The following ALMS1 variants were observed in gnomAD, a reference collection of about 807,000 sequenced individuals.
The protein encoded by ALMS1 is ALMS1 centrosome and basal body associated protein.
Under a neutral mutation model 352.2 loss-of-function variants are expected in ALMS1, and 271 were observed. The ratio of observed to expected loss-of-function variants is 0.77; its 90% CI spans 0.70 to 0.85. ALMS1 has a LOEUF of 0.85. Ranked by LOEUF, ALMS1 falls within the 40% of genes least tolerant of loss-of-function variation. The probability of loss-of-function intolerance (pLI) is 0.00; values close to 1 mark genes in which losing one functional copy is unlikely to be tolerated. For synonymous variants in ALMS1, 1,865 were observed against 1,761.2 expected (o/e 1.06, Z -1.48); for missense variants, 5,445 against 4,870.7 (o/e 1.12, Z -3.51).
At chr2:73,481,036 C>T (rs1204872738) in intron 9 of ALMS1, among the ~76,000 whole-genome samples, 3 of 151,376 alleles carry the variant, frequency 2.0e-5, no homozygotes, top group African/African-American at 4.9e-5. Flanking sequence ...TTCCTGTTCA[C>T]TCTGATGGTA....
At chr2:73,399,464 G>A (rs1272247176) in intron 1 of ALMS1, among the ~76,000 whole-genome samples, 8 of 151,978 alleles carry the variant, frequency 5.3e-5, no homozygotes, top group Non-Finnish European at 7.4e-5. Flanking sequence ...GGGGGCAGGC[G>A]TCTCACATGG....
Position 73,459,839 on chromosome 2 carries a change from T to C in ALMS1, c.7674+4544T>C, listed in dbSNP as rs1222026851. On this transcript the variant is annotated intron_variant, in intron 9 of 22. Transcript: ENST00000613296. ...TTAGCAGAGAGTGGCATGTAGAAACTAAGATCTGTATGCTTGGTGTGCTTA... is the reference window on the plus strand; with the variant it reads ...TTAGCAGAGAGTGGCATGTAGAAACCAAGATCTGTATGCTTGGTGTGCTTA... Among the ~76,000 whole-genome samples, 4 of 152,204 alleles carry C rather than the reference T, an allele frequency of 2.6e-5. No individual in the cohort carries two copies. In the East Asian group the frequency reaches 5.8e-4, roughly 22 times the overall value.
intron 16 of ALMS1, chr2:73,573,686 A>G (rs1389184496): frequency 1.6e-6 from 1 of 610,470 alleles, no homozygotes; most frequent in East Asian, 2.7e-5. Flanking sequence ...TTACCCCTGA[A>G]ATGGGGGAGC....
At chr2:73,543,736 C>T (rs973870572) in intron 12 of ALMS1, among the ~76,000 whole-genome samples, 56 of 152,184 alleles carry the variant, frequency 3.7e-4, no homozygotes, top group African/African-American at 1.3e-3. Flanking sequence ...CAAAAGAAGA[C>T]ATTTATGCAG....
In ALMS1 at chr2:73,419,173, C is replaced by T. The variant is rs752872864; in HGVS notation, c.501C>T (p.Thr167=). Residue 167 remains threonine, a synonymous_variant, in exon 3 of 23, where the codon ACC becomes ACT. Coordinates refer to ENST00000613296, the MANE Select transcript of ALMS1 (RefSeq NM_001378454.1). ...CTCAAGAAATGGACTCTTCCCAAACCTTGGATACATCCCAGACTAGGTTTA... is the reference window on the plus strand; with the variant it reads ...CTCAAGAAATGGACTCTTCCCAAACTTTGGATACATCCCAGACTAGGTTTA... ...CLPQEMDSSQ[T]LDTSQTRFNV... 4 of 1,613,934 alleles carry T rather than the reference C, an allele frequency of 2.5e-6. No homozygotes were observed. Among genetic ancestry groups the T allele is most frequent in the Non-Finnish European group, 8.5e-7 (1 of 1,179,976 alleles).
intron 15 of ALMS1, among the ~76,000 whole-genome samples, chr2:73,563,583 C>T (rs1381059361): frequency 1.3e-5 from 2 of 151,620 alleles, no homozygotes; most frequent in African/African-American, 2.4e-5. Context: ...ATTAGCCGGG[C>T]GTGGTGGCAG....
chr2:73,496,062 A>G (rs1184025932), intron 10 of ALMS1, among the ~76,000 whole-genome samples: 5 of 152,222 alleles, frequency 3.3e-5, no homozygotes, highest in Non-Finnish European at 5.9e-5. Flanking sequence ...TGATTCATTT[A>G]TAATATAGAT....
At chr2:73,422,759 C>G in intron 3 of ALMS1, 98 bp from the exon 4 acceptor site, 4 of 944,750 alleles carry the variant, frequency 4.2e-6, no homozygotes, top group Non-Finnish European at 6.9e-6. Context: ...GTAGAATTCT[C>G]CATATGGCAG....
rs761510227 is a variant in ALMS1 at position 73,448,987 on chromosome 2, C to G, written c.2460C>G (p.Phe820Leu). The G allele has an allele frequency of 6.2e-7, 1 of 1,613,658 alleles. No individual in the cohort carries two copies. Among genetic ancestry groups the G allele is most frequent in the African/African-American group, 1.3e-5 (1 of 74,894 alleles). ...CACACAGAGAGAAGCTCCTTGTTTT[C>G]TACCAACAGGCCTTGCTGGACAGCC... is the stretch of plus-strand genomic sequence containing the variant. ...AYSHREKLLV[F>L]YQQALLDSHL... The change falls in exon 8 of 23, where the codon TTC (phenylalanine) becomes TTG (leucine). Residue 820 changes from phenylalanine (F) to leucine (L), a missense_variant. Physicochemically the swap from Phe to Leu is conservative, Grantham distance 22. Coordinates refer to ENST00000613296, the MANE Select transcript of ALMS1 (RefSeq NM_001378454.1).
At chr2:73,410,441 A>G (rs1378077121) in intron 2 of ALMS1, among the ~76,000 whole-genome samples, 1 of 152,098 alleles carries the variant, frequency 6.6e-6, no homozygotes, top group South Asian at 2.1e-4. Flanking sequence ...ACACACATAC[A>G]CACACCTCAC....
chr2:73,415,964 AATT>A (rs1181280776), intron 2 of ALMS1, among the ~76,000 whole-genome samples: 4 of 152,214 alleles, frequency 2.6e-5, no homozygotes, highest in Non-Finnish European at 5.9e-5. Context: ...GAAGTTAAAA[AATT>A]ATTGCAGTAG....
intron 3 of ALMS1, among the ~76,000 whole-genome samples, chr2:73,419,689 A>G (rs1671248724): frequency 6.6e-6 from 1 of 152,144 alleles, no homozygotes; most frequent in Non-Finnish European, 1.5e-5. Flanking sequence ...ACAAATGTTC[A>G]TATTTACCTT....
rs200814417 is a variant in ALMS1, at chr2:73,602,297, G to A, written c.12227G>A (p.Arg4076Gln). 28 of 1,614,202 alleles carry A rather than the reference G, an allele frequency of 1.7e-5. No individual in the cohort carries two copies. Among genetic ancestry groups the A allele is most frequent in the South Asian group, 2.2e-5 (2 of 91,084 alleles). Residue 4076 changes from arginine to glutamine, a missense_variant, in exon 20 of 23, where the codon CGG (arginine) becomes CAG (glutamine). Transcript: ENST00000613296. ...RKLQSMLQTE[R>Q]DALFNIDRER... ...CTGCAGAGCATGTTACAGACCGAGC[G>A]GGATGCACTATTCAACATTGACAGG...
At chr2:73,530,755 C>T (rs1673892207) in intron 11 of ALMS1, among the ~76,000 whole-genome samples, 1 of 152,230 alleles carries the variant, frequency 6.6e-6, no homozygotes, top group African/African-American at 2.4e-5. Flanking sequence ...ATTCATATAT[C>T]CTCTGAAATC....
At position 73,609,742 on chromosome 2, in the gene ALMS1, C is replaced by A. The variant is rs1675898994; in HGVS notation, c.*130C>A. On this transcript the variant is annotated 3_prime_UTR_variant, in exon 23 of 23. Coordinates refer to ENST00000613296, the MANE Select transcript of ALMS1 (RefSeq NM_001378454.1). ...ATGTGTATTTTAGAAATAGTAACTT[C>A]TAAAGAGTCTGGAACAAAGTGGTGA... 2.1e-6 allele frequency: 2 copies of A among 930,702 alleles called. No individual in the cohort carries two copies. The highest frequency in any genetic ancestry group is 2.0e-5 in the Admixed American group (1 of 49,296). 57.7% of individuals were successfully genotyped at this position (930,702 alleles called of 1,614,324 possible).
intron 10 of ALMS1, among the ~76,000 whole-genome samples, chr2:73,493,420 C>T (rs1024859528): frequency 6.6e-6 from 1 of 150,564 alleles, no homozygotes; most frequent in East Asian, 1.9e-4. Flanking sequence ...ATATATAATA[C>T]CTTATAAAAT....
chr2:73,459,500 C>T lies in ALMS1; in HGVS notation c.7674+4205C>T, dbSNP rs574258734. 3 of 152,224 alleles carry T rather than the reference C, an allele frequency of 2.0e-5. No individual in the cohort carries two copies. In the East Asian group the frequency reaches 5.8e-4, roughly 29 times the overall value. The allele number at this position is 152,224 out of a possible 1,614,324, so 9.4% of individuals were successfully genotyped here. ...GAAAAAAATTCCATCATTGCTTCAACATTTCATTGGAGTTCTGTGGTAAGT... is the reference window on the plus strand; with the variant it reads ...GAAAAAAATTCCATCATTGCTTCAATATTTCATTGGAGTTCTGTGGTAAGT... On this transcript the variant is annotated intron_variant, in intron 9 of 22. Coordinates refer to ENST00000613296, the MANE Select transcript of ALMS1 (RefSeq NM_001378454.1).
At chr2:73,479,288 T>G (rs368992138) in intron 9 of ALMS1, among the ~76,000 whole-genome samples, 2 of 152,304 alleles carry the variant, frequency 1.3e-5, no homozygotes, top group East Asian at 1.9e-4. Flanking sequence ...AACCACAACG[T>G]TGATATTGAT....
intron 11 of ALMS1, among the ~76,000 whole-genome samples, chr2:73,525,522 G>A (rs1673772548): frequency 6.6e-6 from 1 of 152,144 alleles, no homozygotes; most frequent in Admixed American, 6.6e-5. Context: ...TTTCTCTGAT[G>A]ATCACTGATG....
Sources: gnomAD v4.1 joint callset for allele counts (sites outside exome capture counted in the v4.1 genomes callset) on GRCh38, gnomAD v4.1.1 for gene constraint, MANE v1.5 for transcripts, NCBI Gene and HGNC (gene_info 2026-07-23, HGNC 2026-07-21) for gene names.